Variants in LPA observed in about 807,000 individuals in gnomAD.
LPA encodes the protein apolipoprotein(a).
In LPA, 199 loss-of-function variants were observed where a neutral mutation model predicts 197.9. The observed-to-expected ratio is 1.01, with a 90% CI of 0.90 to 1.13. The LOEUF is 1.13. LPA is among the 50% of genes most tolerant of loss of function. LPA has a pLI of 0.00. For missense variants in LPA, 1,853 were observed against 1,785.8 expected (o/e 1.04, Z -0.68); for synonymous variants, 715 against 639.5 (o/e 1.12, Z -1.78).
At chr6:160,649,941 A>C (rs1386703606) in intron 2 of LPA, among the ~76,000 whole-genome samples, 1 of 152,210 alleles carries the variant, frequency 6.6e-6, no homozygotes, top group Non-Finnish European at 1.5e-5. Context: ...ATAGATATGC[A>C]CATATCATTT....
At chr6:160,543,092 A>G (rs2115000012) in intron 33 of LPA, among the ~76,000 whole-genome samples, 1 of 152,296 alleles carries the variant, frequency 6.6e-6, no homozygotes, top group Admixed American at 6.5e-5. Flanking sequence ...GTGTGGACAT[A>G]TGTGCATGTG....
At chr6:160,579,897 CAT>C (rs953136909) in intron 26 of LPA, among the ~76,000 whole-genome samples, 2 of 152,182 alleles carry the variant, frequency 1.3e-5, no homozygotes, top group Non-Finnish European at 2.9e-5. Flanking sequence ...TATATTTTCA[CAT>C]AGAGTGAGAT....
intron 28 of LPA, among the ~76,000 whole-genome samples, chr6:160,567,408 G>A (rs1048022925): frequency 5.3e-5 from 8 of 152,062 alleles, no homozygotes; most frequent in African/African-American, 1.4e-4. Context: ...GGTATGTAAC[G>A]AAATGAAGGC....
chr6:160,606,735 T>A (rs932133537), intron 16 of LPA, 77 bp from the exon 17 acceptor site: 2 of 1,557,804 alleles, frequency 1.3e-6, no homozygotes, highest in African/African-American at 1.4e-5. Context: ...TCCTTTGTGC[T>A]GCAACAAGGT....
At chr6:160,587,848 A>G (rs1264314262) in intron 24 of LPA, among the ~76,000 whole-genome samples, 1 of 148,978 alleles carries the variant, frequency 6.7e-6, no homozygotes, top group South Asian at 2.1e-4. Flanking sequence ...TGTAGCTCCT[A>G]TTGAATTATT....
At chr6:160,552,073 G>A (rs924210142) in intron 30 of LPA, among the ~76,000 whole-genome samples, 9 of 152,104 alleles carry the variant, frequency 5.9e-5, no homozygotes, top group Non-Finnish European at 8.8e-5. Flanking sequence ...TCATCACATC[G>A]ATCTAATTGT....
intron 33 of LPA, among the ~76,000 whole-genome samples, chr6:160,544,732 T>C (rs569899197): frequency 6.6e-6 from 1 of 152,270 alleles, no homozygotes; most frequent in Non-Finnish European, 1.5e-5. Context: ...AGTTGATTGG[T>C]CAGCAGGAAG....
At chr6:160,539,637 G>A (rs958767752) in intron 36 of LPA, among the ~76,000 whole-genome samples, 11 of 151,984 alleles carry the variant, frequency 7.2e-5, no homozygotes, top group Admixed American at 4.6e-4. Flanking sequence ...GATTAGAGGC[G>A]CCCACACTAA....
At chr6:160,650,627 G>C in intron 1 of LPA, 130 bp from the exon 2 acceptor site, 1 of 842,078 alleles carries the variant, frequency 1.2e-6, no homozygotes, top group East Asian at 2.5e-5. Flanking sequence ...TTAGCAGGCA[G>C]ACAGACGTGC....
chr6:160,654,099 A>G (rs1373849931), intron 1 of LPA, among the ~76,000 whole-genome samples: 1 of 57,636 alleles, frequency 1.7e-5, no homozygotes, highest in Non-Finnish European at 3.2e-5. Flanking sequence ...ATTATATATA[A>G]TATAATATAT....
chr6:160,656,031 T>C (rs1275967588), intron 1 of LPA, among the ~76,000 whole-genome samples: 1 of 152,178 alleles, frequency 6.6e-6, no homozygotes, highest in Non-Finnish European at 1.5e-5. Flanking sequence ...CACCAGGAGA[T>C]GTGTTAATTT....
Position 160,650,459 on chromosome 6 carries a change from G to A in LPA, c.88C>T (p.His30Tyr), listed in dbSNP as rs751745914. The A allele has an allele frequency of 6.2e-7, 1 of 1,613,766 alleles. No homozygotes were observed. Among genetic ancestry groups the A allele is most frequent in the East Asian group, 2.2e-5 (1 of 44,868 alleles). The part of the protein sequence containing the change: ...EQSHVVQDCY[H>Y]GDGQSYRGTY... ...CCTCGATAACTCTGTCCATCACCATGGTAGCAATCCTGGACCACATGGCTT... is the reference window on the plus strand; with the variant it reads ...CCTCGATAACTCTGTCCATCACCATAGTAGCAATCCTGGACCACATGGCTT... The change falls in exon 2 of 39, where the codon CAT becomes TAT. Residue 30 changes from histidine (H) to tyrosine (Y), a missense_variant. Transcript: ENST00000316300.
intron 1 of LPA, among the ~76,000 whole-genome samples, chr6:160,660,506 T>TAA (rs145511040): frequency 6.6e-6 from 1 of 151,944 alleles, no homozygotes; most frequent in African/African-American, 2.4e-5. Context: ...CATGTCATGA[T>TAA]AAAAAAAATA....
At chr6:160,563,185 C>T (rs1319261582) in intron 28 of LPA, among the ~76,000 whole-genome samples, 1 of 152,192 alleles carries the variant, frequency 6.6e-6, no homozygotes, top group Non-Finnish European at 1.5e-5. Flanking sequence ...ATCTTTCCCG[C>T]TTTCTCCTGT....
At chr6:160,559,700 T>C (rs1238013643) in intron 28 of LPA, among the ~76,000 whole-genome samples, 2 of 152,218 alleles carry the variant, frequency 1.3e-5, no homozygotes, top group Non-Finnish European at 2.9e-5. Context: ...TTTCCACCCA[T>C]TTACTTTAAG....
Position 160,599,645 on chromosome 6 carries a change from T to G in LPA, c.3142A>C (p.Thr1048Pro), listed in dbSNP as rs778579061. The G allele has an allele frequency of 3.1e-6, 5 of 1,613,452 alleles. No individual in the cohort carries two copies. In the South Asian group the frequency reaches 5.5e-5, roughly 18 times the overall value. Residue 1048 changes from threonine (T) to proline (P), a missense_variant, in exon 20 of 39, where the codon ACC (threonine) becomes CCC (proline). Transcript: ENST00000316300. ...AFFEQALTEE[T>P]PGVQDCYYHY... ...TAGTAGCAGTCCTGTACCCCGGGGG[T>G]TTCCTCAGTCAGTGCTGAAATTAAA... is the stretch of plus-strand genomic sequence containing the variant.
intron 20 of LPA, among the ~76,000 whole-genome samples, 181 bp downstream of exon 20, chr6:160,599,319 G>A (rs566645917): frequency 6.0e-4 from 92 of 152,228 alleles, no homozygotes; most frequent in African/African-American, 2.2e-3. Flanking sequence ...CTCCAGCCTG[G>A]GCAACAAAGC....
intron 16 of LPA, among the ~76,000 whole-genome samples, chr6:160,606,920 G>T (rs868410299): frequency 6.6e-6 from 1 of 152,052 alleles, no homozygotes; most frequent in South Asian, 2.1e-4. Context: ...ATACATACAC[G>T]TGGGCAAAAA....
At chr6:160,650,074 C>G (rs1779975615) in intron 2 of LPA, among the ~76,000 whole-genome samples, 1 of 152,198 alleles carries the variant, frequency 6.6e-6, no homozygotes, top group African/African-American at 2.4e-5. Context: ...GAAGCTGACT[C>G]TGTCTAAACA....
Sources: gnomAD v4.1 joint callset for allele counts (sites outside exome capture counted in the v4.1 genomes callset) on GRCh38, gnomAD v4.1.1 for gene constraint, MANE v1.5 for transcripts, NCBI Gene and HGNC (gene_info 2026-07-23, HGNC 2026-07-21) for gene names.